The following CAMTA1 variants were observed in gnomAD, a reference collection of about 807,000 sequenced individuals.
The protein encoded by CAMTA1 is calmodulin binding transcription activator 1, also known as calmodulin-binding transcription activator 1.
A neutral mutation model predicts 170.9 loss-of-function variants in CAMTA1; 27 were observed. The ratio of observed to expected loss-of-function variants is 0.16; its 90% CI spans 0.12 to 0.22. The LOEUF (loss-of-function observed/expected upper bound fraction) is 0.22. Ranked by LOEUF, CAMTA1 falls within the 10% of genes least tolerant of loss-of-function variation. The probability of loss-of-function intolerance (pLI) is 1.00; values close to 1 mark genes in which losing one functional copy is unlikely to be tolerated. For synonymous variants in CAMTA1, 833 were observed against 891.5 expected (o/e 0.93, Z 1.17); for missense variants, 1,619 against 2,217.2 (o/e 0.73, Z 5.42).
At position 7,580,029 on chromosome 1, in the gene CAMTA1, G is replaced by A. The variant is rs563527341; in HGVS notation, c.511-60371G>A. Among the ~76,000 whole-genome samples the A allele has an allele frequency of 9.2e-5, 14 of 152,364 alleles. No homozygotes were observed. Among genetic ancestry groups the A allele is most frequent in the East Asian group, 1.9e-4 (1 of 5,174 alleles). On this transcript the variant is annotated intron_variant, in intron 6 of 22. Transcript: ENST00000303635. This position sits in a 1 kb window ranked among gnomAD's most constrained non-coding sequence, Gnocchi z 4.3. ...GCTCAGCTGAATCCACCCTCTCTCC[G>A]GTCAACTCACAACTCACACATGCAT...
chr1:7,740,942 A>G (rs2096807701), intron 16 of CAMTA1, among the ~76,000 whole-genome samples: 1 of 152,242 alleles, frequency 6.6e-6, no homozygotes, highest in Admixed American at 6.5e-5. Flanking sequence ...AAATGAGAAG[A>G]TAACACTTAA....
At chr1:7,157,385 C>CAA (rs57716736) in intron 4 of CAMTA1, among the ~76,000 whole-genome samples, 3 of 141,760 alleles carry the variant, frequency 2.1e-5, no homozygotes, top group African/African-American at 2.6e-5. Context: ...AAACAAAAAA[C>CAA]AAAAAAAAAT....
intron 1 of CAMTA1, among the ~76,000 whole-genome samples, chr1:6,802,726 G>GTC (rs1186294065): frequency 3.1e-4 from 47 of 151,384 alleles, no homozygotes; most frequent in African/African-American, 7.8e-4. Flanking sequence ...CTTTTTCTTT[G>GTC]TCTCTCTCTC....
At chr1:7,683,045 A>G (rs1051086762) in intron 11 of CAMTA1, among the ~76,000 whole-genome samples, 8 of 152,184 alleles carry the variant, frequency 5.3e-5, no homozygotes, top group Non-Finnish European at 1.0e-4. Context: ...CGTGGTGGTG[A>G]GCGCCTGTTG....
In CAMTA1 at chr1:6,926,435, TTTC is replaced by T. The variant is rs1449542608; in HGVS notation, c.234+101227_234+101229del. Among the ~76,000 whole-genome samples, 446 of 116,936 alleles carry T rather than the reference TTTC, an allele frequency of 3.8e-3. 1 individual carries two copies. Among genetic ancestry groups the T allele is most frequent in the Middle Eastern group, 9.7e-3 (2 of 206 alleles). 76.7% of individuals were successfully genotyped at this position (116,936 alleles called of 152,430 possible). ...TCTCTTTTCTTTTCTCTTTCTTTCT[TTTC>T]TCTTTCTTTCTTTCTTTCTTTCTTT... On this transcript the variant is annotated intron_variant, in intron 3 of 22. Coordinates refer to ENST00000303635, the MANE Select transcript of CAMTA1 (RefSeq NM_015215.4).
chr1:6,824,272 G>T (rs1054570193), intron 2 of CAMTA1, among the ~76,000 whole-genome samples: 2 of 152,112 alleles, frequency 1.3e-5, no homozygotes, highest in African/African-American at 4.8e-5. Flanking sequence ...GTCAGGCAAA[G>T]AAACTTTGTT....
chr1:7,392,636 G>A (rs977803443), intron 5 of CAMTA1, among the ~76,000 whole-genome samples: 2 of 151,870 alleles, frequency 1.3e-5, no homozygotes, highest in Non-Finnish European at 2.9e-5. Flanking sequence ...CATTTTGGGA[G>A]GCCAAGGTGG....
intron 6 of CAMTA1, among the ~76,000 whole-genome samples, chr1:7,626,111 AG>A (rs1473816873): frequency 1.3e-5 from 2 of 152,300 alleles, no homozygotes; most frequent in East Asian, 3.9e-4. Flanking sequence ...TGTCCTACCA[AG>A]GTATTAAAGA....
chr1:7,686,767 G>A (rs761719373), intron 11 of CAMTA1, among the ~76,000 whole-genome samples: 14 of 152,172 alleles, frequency 9.2e-5, no homozygotes, highest in Non-Finnish European at 1.5e-4. Context: ...TGACAAGGCC[G>A]GAACAATGAC....
intron 4 of CAMTA1, among the ~76,000 whole-genome samples, chr1:7,220,837 G>C (rs1660621018): frequency 6.6e-6 from 1 of 152,226 alleles, no homozygotes; most frequent in Admixed American, 6.5e-5. Flanking sequence ...TCCCACGAGT[G>C]CCTGGACATG....
intron 6 of CAMTA1, among the ~76,000 whole-genome samples, chr1:7,602,398 C>G (rs1382686282): frequency 2.2e-4 from 33 of 151,810 alleles, no homozygotes; most frequent in Admixed American, 2.2e-3. Flanking sequence ...GTGTATGTGT[C>G]GAGGAATTTA....
Position 7,456,706 on chromosome 1 carries a change from G to A in CAMTA1, c.439-11124G>A, listed in dbSNP as rs1207464586. Among the ~76,000 whole-genome samples the A allele has an allele frequency of 6.6e-6, 1 of 152,220 alleles. No individual in the cohort carries two copies. The highest frequency in any genetic ancestry group is 1.5e-5 in the Non-Finnish European group (1 of 68,034). Reference sequence around the variant, plus strand: ...GAGACACGAAAGGTGCAGGTCTCCAGCTCCCGCTTGGCTGGGCCTGTGCAG... The same window carrying A: ...GAGACACGAAAGGTGCAGGTCTCCAACTCCCGCTTGGCTGGGCCTGTGCAG... On this transcript the variant is annotated intron_variant, in intron 5 of 22. Transcript: ENST00000303635. This position sits in a 1 kb window ranked among gnomAD's most constrained non-coding sequence, Gnocchi z 4.9.
rs1215978292 is a variant in CAMTA1, at chr1:6,971,417, C to T, written c.235-119887C>T. ...TGAGGACTGAGAATAAATAGAAATC[C>T]TGAAATTGTGCTATCCCAAACTGTT... On this transcript the variant is annotated intron_variant, in intron 3 of 22. Transcript: ENST00000303635. This position sits in a 1 kb window ranked among gnomAD's most constrained non-coding sequence, Gnocchi z 4.6. Among the ~76,000 whole-genome samples, 2 of 152,164 alleles carry T rather than the reference C, an allele frequency of 1.3e-5. No individual in the cohort carries two copies. The highest frequency in any genetic ancestry group is 2.4e-5 in the African/African-American group (1 of 41,420).
At chr1:7,159,470 T>C (rs1195359192) in intron 4 of CAMTA1, among the ~76,000 whole-genome samples, 3 of 152,154 alleles carry the variant, frequency 2.0e-5, no homozygotes, top group African/African-American at 2.4e-5. Context: ...GACTTCCCTG[T>C]GTGCCTTCCG....
At chr1:7,466,636 G>T (rs1258437438) in intron 5 of CAMTA1, among the ~76,000 whole-genome samples, 1 of 152,148 alleles carries the variant, frequency 6.6e-6, no homozygotes, top group African/African-American at 2.4e-5. Flanking sequence ...AAGGAGAGGT[G>T]GGGGAGGCCT....
At chr1:7,126,333 G>A (rs919944018) in intron 4 of CAMTA1, among the ~76,000 whole-genome samples, 1 of 152,112 alleles carries the variant, frequency 6.6e-6, no homozygotes, top group African/African-American at 2.4e-5. Flanking sequence ...TTCCCCATCC[G>A]TGCCTTCTAC....
In CAMTA1 at chr1:7,014,718, G is replaced by A. The variant is rs549529235; in HGVS notation, c.235-76586G>A. Among the ~76,000 whole-genome samples the A allele has an allele frequency of 2.0e-5, 3 of 152,258 alleles. No individual in the cohort carries two copies. The highest frequency in any genetic ancestry group is 7.2e-5 in the African/African-American group (3 of 41,544). ...CTCGGGTATCATGACCAGGCTCCTC[G>A]TAAGAGGTGGGACTCAGCCGAGGGG... On this transcript the variant is annotated intron_variant, in intron 3 of 22. Transcript: ENST00000303635. This position sits in a 1 kb window ranked among gnomAD's most constrained non-coding sequence, Gnocchi z 4.2.
At chr1:6,982,375 C>T (rs1178580146) in intron 3 of CAMTA1, among the ~76,000 whole-genome samples, 1 of 152,212 alleles carries the variant, frequency 6.6e-6, no homozygotes, top group Non-Finnish European at 1.5e-5. Flanking sequence ...TTCCCTCTCC[C>T]ATGCTGGCCA....
chr1:7,243,153 C>T (rs2412152), intron 4 of CAMTA1, among the ~76,000 whole-genome samples: 104,269 of 151,600 alleles, frequency 0.69, 36,958 homozygotes, highest in African/African-American at 0.87. Context: ...TTTTCTCATA[C>T]GTGTTAATAG....
Sources: gnomAD v4.1 joint callset for allele counts (sites outside exome capture counted in the v4.1 genomes callset) on GRCh38, gnomAD v4.1.1 for gene constraint, Gnocchi (gnomAD v3.1) non-coding constraint, MANE v1.5 for transcripts, NCBI Gene and HGNC (gene_info 2026-07-23, HGNC 2026-07-21) for gene names.